CA10: variants seen among roughly 807,000 people sequenced by gnomAD.
CA10 encodes carbonic anhydrase 10 (inactive).
Under a neutral mutation model 44.2 loss-of-function variants are expected in CA10, and 14 were observed. The ratio of observed to expected loss-of-function variants is 0.32; its 90% confidence interval spans 0.21 to 0.50. The LOEUF (loss-of-function observed/expected upper bound fraction) is 0.50, where lower values mean the gene tolerates loss of function less well. Among genes scored for constraint, CA10 ranks in the 20% least tolerant of loss-of-function variants. The pLI is 0.99. For synonymous variants in CA10, 159 were observed against 141.6 expected, an observed-to-expected ratio of 1.12 and a Z score of -0.87; for missense variants, 350 against 409.7, an observed-to-expected ratio of 0.85 and a Z score of 1.26.
At chr17:51,857,098 C>T (rs958729081) in intron 3 of CA10, among the ~76,000 whole-genome samples, 2 of 152,152 alleles carry the variant, frequency 1.3e-5, no homozygotes, top group Non-Finnish European at 2.9e-5. Context: ...GGATTTAAAA[C>T]ATTATCATCA....
chr17:52,078,025 C>A lies in CA10; in HGVS notation c.62-5632G>T, dbSNP rs565351338. ...TATACCCACTGACCACAAATACAGG[C>A]ATCACACCAACAAGTCTTTGGATCC... On this transcript the variant is annotated intron_variant, in intron 1 of 8. Coordinates refer to ENST00000451037, the MANE Select transcript of CA10 (RefSeq NM_020178.5). Among the ~76,000 whole-genome samples, 52 of 152,328 alleles carry A rather than the reference C, an allele frequency of 3.4e-4. No homozygotes were observed. The South Asian group carries it at 0.01, about 30-fold the overall frequency.
At chr17:52,051,654 T>G (rs1422828264) in intron 2 of CA10, among the ~76,000 whole-genome samples, 1 of 151,934 alleles carries the variant, frequency 6.6e-6, no homozygotes, top group Non-Finnish European at 1.5e-5. Flanking sequence ...CTGACAAGGT[T>G]GTGGAGTGCC....
At chr17:51,838,168 G>T (rs938820147) in intron 3 of CA10, among the ~76,000 whole-genome samples, 5 of 152,098 alleles carry the variant, frequency 3.3e-5, no homozygotes, top group Non-Finnish European at 7.3e-5. Flanking sequence ...AAGCCCCAGG[G>T]AGATAGCTGA....
intron 1 of CA10, among the ~76,000 whole-genome samples, chr17:52,143,698 G>A (rs549265738): frequency 1.8e-4 from 28 of 152,200 alleles, no homozygotes; most frequent in Admixed American, 1.1e-3. Flanking sequence ...GCTTCTCTAA[G>A]TACAATCAAT....
chr17:51,705,148 C>T (rs1002827512), intron 4 of CA10, among the ~76,000 whole-genome samples: 1 of 152,122 alleles, frequency 6.6e-6, no homozygotes, highest in African/African-American at 2.4e-5. Flanking sequence ...GCTATCTTTG[C>T]TCCTTAAACT....
chr17:51,911,264 C>T (rs182388423), intron 3 of CA10, among the ~76,000 whole-genome samples: 9 of 152,240 alleles, frequency 5.9e-5, no homozygotes, highest in South Asian at 4.2e-4. Context: ...AAGAAATACA[C>T]GCTGATGTTT....
intron 3 of CA10, among the ~76,000 whole-genome samples, chr17:51,814,785 A>G (rs1300309837): frequency 6.6e-6 from 1 of 152,116 alleles, no homozygotes; most frequent in Non-Finnish European, 1.5e-5. Context: ...TTTTTTGTTC[A>G]GTTTCCTAGC....
At chr17:52,004,896 T>C (rs58138009) in intron 2 of CA10, among the ~76,000 whole-genome samples, 4,061 of 151,982 alleles carry the variant, frequency 0.027, 178 homozygotes, top group African/African-American at 0.092. Flanking sequence ...TTTTAGCCTC[T>C]GAAGAAATTT....
intron 3 of CA10, among the ~76,000 whole-genome samples, chr17:51,840,499 A>G (rs1978310830): frequency 6.6e-6 from 1 of 151,828 alleles, no homozygotes; most frequent in South Asian, 2.1e-4. Flanking sequence ...ACACACACAC[A>G]CACACACACA....
intron 4 of CA10, among the ~76,000 whole-genome samples, chr17:51,724,219 A>G (rs891464204): frequency 2.0e-5 from 3 of 152,236 alleles, no homozygotes; most frequent in Non-Finnish European, 2.9e-5. Context: ...ATTCTCATGA[A>G]TTCTGTAATG....
chr17:51,899,746 T>C (rs781158591), intron 3 of CA10, among the ~76,000 whole-genome samples: 2 of 152,102 alleles, frequency 1.3e-5, no homozygotes, highest in Non-Finnish European at 2.9e-5. Flanking sequence ...TGGGTGCATA[T>C]ATATTCAGGT....
chr17:52,028,366 G>A (rs1199229136), intron 2 of CA10, among the ~76,000 whole-genome samples: 1 of 152,054 alleles, frequency 6.6e-6, no homozygotes, highest in African/African-American at 2.4e-5. Context: ...ACCAATCAAG[G>A]ATCTATACAT....
intron 4 of CA10, among the ~76,000 whole-genome samples, chr17:51,662,620 G>A (rs1914048774): frequency 6.6e-6 from 1 of 152,162 alleles, no homozygotes; most frequent in Non-Finnish European, 1.5e-5. Flanking sequence ...ATGCATAAGA[G>A]CACACACAGT....
chr17:52,015,322 C>T (rs1985933871), intron 2 of CA10, among the ~76,000 whole-genome samples: 1 of 152,094 alleles, frequency 6.6e-6, no homozygotes, highest in African/African-American at 2.4e-5. Flanking sequence ...ATGTAAGTTG[C>T]ATGGATGTTG....
At chr17:51,818,864 A>G (rs1796477008) in intron 3 of CA10, among the ~76,000 whole-genome samples, 1 of 152,184 alleles carries the variant, frequency 6.6e-6, no homozygotes, top group African/African-American at 2.4e-5. Flanking sequence ...TCAAGAGGTT[A>G]AGTAAGATGA....
At chr17:51,712,741 G>T (rs183560619) in intron 4 of CA10, among the ~76,000 whole-genome samples, 2 of 152,330 alleles carry the variant, frequency 1.3e-5, no homozygotes, top group East Asian at 3.9e-4. Context: ...TAGAAAGATA[G>T]TGAGTTGCAA....
intron 4 of CA10, among the ~76,000 whole-genome samples, chr17:51,701,167 G>A (rs879571637): frequency 1.3e-5 from 2 of 152,210 alleles, no homozygotes; most frequent in Non-Finnish European, 2.9e-5. Context: ...AAGGGGATCT[G>A]TGCTATGCTC....
chr17:51,733,336 G>C (rs952626564), intron 4 of CA10, among the ~76,000 whole-genome samples: 1 of 152,114 alleles, frequency 6.6e-6, no homozygotes, highest in Non-Finnish European at 1.5e-5. Flanking sequence ...GCCACGCTTC[G>C]CCTCACTGTT....
At chr17:51,881,091 T>A (rs188376517) in intron 3 of CA10, among the ~76,000 whole-genome samples, 9,852 of 150,952 alleles carry the variant, frequency 0.065, 616 homozygotes, top group African/African-American at 0.17. Flanking sequence ...AAAAAAAAAA[T>A]TAGCCAGGCA....
Sources: allele counts gnomAD v4.1 joint callset (sites outside exome capture counted in the v4.1 genomes callset), GRCh38; gene constraint gnomAD v4.1.1; transcripts MANE v1.5; gene names NCBI Gene and HGNC (gene_info 2026-07-23, HGNC 2026-07-21).